Variants in SPINT2 observed in about 807,000 individuals in gnomAD.
The protein encoded by SPINT2 is serine peptidase inhibitor, Kunitz type 2, also known as kunitz-type protease inhibitor 2.
Under a neutral mutation model 30.1 loss-of-function variants are expected in SPINT2, and 18 were observed. The ratio of observed to expected loss-of-function variants is 0.60; its 90% CI spans 0.41 to 0.89. The LOEUF (loss-of-function observed/expected upper bound fraction) is 0.89. SPINT2 is among the 40% of genes least tolerant of loss of function. SPINT2 has a pLI of 0.00. For synonymous variants in SPINT2, 139 were observed against 137.9 expected, an observed-to-expected ratio of 1.01 and a Z score of -0.05; for missense variants, 276 against 334.3, an observed-to-expected ratio of 0.83 and a Z score of 1.36.
intron 1 of SPINT2, among the ~76,000 whole-genome samples, chr19:38,271,260 G>A (rs1968451964): frequency 6.6e-6 from 1 of 152,042 alleles, no homozygotes; most frequent in South Asian, 2.1e-4. Context: ...GGGAGGCCGA[G>A]GCAGGCGGGT....
At chr19:38,283,565 T>C (rs1968604972) in intron 1 of SPINT2, 62 bp from the exon 2 acceptor site, 5 of 1,605,880 alleles carry the variant, frequency 3.1e-6, no homozygotes, top group South Asian at 1.1e-5. Flanking sequence ...TACAGGTCTG[T>C]GCGTGTCCTT....
At chr19:38,281,679 A>G (rs1314135042) in intron 1 of SPINT2, among the ~76,000 whole-genome samples, 1 of 152,108 alleles carries the variant, frequency 6.6e-6, no homozygotes, top group African/African-American at 2.4e-5. Context: ...TCTGCACTCC[A>G]GCCTGGGCAA....
intron 1 of SPINT2, among the ~76,000 whole-genome samples, chr19:38,277,141 C>T (rs1968529835): frequency 6.6e-6 from 1 of 152,190 alleles, no homozygotes; most frequent in Non-Finnish European, 1.5e-5. Flanking sequence ...TTTCTGTACT[C>T]ATCAGCATAT....
intron 1 of SPINT2, among the ~76,000 whole-genome samples, chr19:38,270,803 A>G (rs1266314590): frequency 1.3e-5 from 2 of 152,176 alleles, no homozygotes; most frequent in East Asian, 3.9e-4. Context: ...TCTGTTTGCC[A>G]TGTCTGGAGG....
chr19:38,290,843 G>A lies in SPINT2; in HGVS notation c.592+268G>A. 1 of 569,544 alleles carries A rather than the reference G, an allele frequency of 1.8e-6. No homozygotes were observed. The highest frequency in any genetic ancestry group is 3.2e-6 in the Non-Finnish European group (1 of 313,338). The allele number at this position is 569,544 out of a possible 1,614,324, so 35.3% of individuals were successfully genotyped here. ...TGAGGTCTTCCTGTTGAGCATTTGA[G>A]GACTGCTGCACACGGGCCTGAGGCT... On this transcript the variant is annotated intron_variant, in intron 6 of 6. Transcript: ENST00000301244. The surrounding 1 kb of genome is among the most constrained non-coding windows in gnomAD (Gnocchi z 4.3).
At chr19:38,274,881 A>G (rs754527006) in intron 1 of SPINT2, among the ~76,000 whole-genome samples, 2 of 151,522 alleles carry the variant, frequency 1.3e-5, no homozygotes, top group Non-Finnish European at 2.9e-5. Flanking sequence ...TCCCTCTGCC[A>G]CTGGAGAGAC....
In SPINT2 at chr19:38,292,008, C is replaced by T. The variant is rs1968727714; in HGVS notation, c.*2C>T. ...GTGAAGAACACATATGTCCTGTGAC[C>T]GCCCTGTCGCCAAGAGGACTGGGGA... On this transcript the variant is annotated 3_prime_UTR_variant, in exon 7 of 7. Transcript: ENST00000301244. 6.8e-6 allele frequency: 11 copies of T among 1,613,762 alleles called. No individual in the cohort carries two copies. Among genetic ancestry groups the T allele is most frequent in the Admixed American group, 1.7e-5 (1 of 59,972 alleles).
At chr19:38,273,230 G>C (rs1482207016) in intron 1 of SPINT2, among the ~76,000 whole-genome samples, 1 of 151,994 alleles carries the variant, frequency 6.6e-6, no homozygotes, top group Non-Finnish European at 1.5e-5. Flanking sequence ...AGAGGAGATG[G>C]GTAGTTGGTA....
intron 1 of SPINT2, among the ~76,000 whole-genome samples, chr19:38,270,359 T>A (rs1007636204): frequency 1.3e-5 from 2 of 152,228 alleles, no homozygotes; most frequent in African/African-American, 4.8e-5. Context: ...CGAAATCTTA[T>A]TCACTGATAT....
chr19:38,275,677 C>T (rs1464872077), intron 1 of SPINT2, among the ~76,000 whole-genome samples: 3 of 151,950 alleles, frequency 2.0e-5, no homozygotes, highest in African/African-American at 7.3e-5. Flanking sequence ...CCTGCCTCGG[C>T]CTCCCAAAGT....
At chr19:38,289,484 CAAAAAAAAAAA>C (rs58140440) in intron 4 of SPINT2, 26 of 36,076 alleles carry the variant, frequency 7.2e-4, no homozygotes, top group South Asian at 1.6e-3. Context: ...GACTCTGTCT[CAAAAAAAAAAA>C]AAAAAAAAAA....
intron 1 of SPINT2, among the ~76,000 whole-genome samples, chr19:38,280,232 T>C (rs536530319): frequency 1.3e-5 from 2 of 152,202 alleles, no homozygotes; most frequent in East Asian, 3.9e-4. Context: ...CAGGGACAGA[T>C]CGTGACCGTG....
intron 1 of SPINT2, among the ~76,000 whole-genome samples, chr19:38,282,035 A>G (rs1968586706): frequency 1.3e-5 from 2 of 152,176 alleles, no homozygotes; most frequent in South Asian, 4.1e-4. Context: ...GCTTCAGAAG[A>G]TGCTTTTTCT....
chr19:38,284,940 T>G (rs531760596), intron 2 of SPINT2, among the ~76,000 whole-genome samples: 1 of 152,236 alleles, frequency 6.6e-6, no homozygotes, highest in East Asian at 1.9e-4. Context: ...GGTCTTGAAC[T>G]TCTGGCCTCA....
chr19:38,283,423 T>G (rs1968603334), intron 1 of SPINT2, among the ~76,000 whole-genome samples: 1 of 152,056 alleles, frequency 6.6e-6, no homozygotes, highest in African/African-American at 2.4e-5. Context: ...TGGGTTGCTG[T>G]CTTTATTGTT....
At chr19:38,265,754 A>G (rs1002801581) in intron 1 of SPINT2, 1 of 152,440 alleles carries the variant, frequency 6.6e-6, no homozygotes, top group Non-Finnish European at 1.5e-5. Flanking sequence ...TGTTTTGAAA[A>G]GAGCTCTCTT....
At chr19:38,269,038 G>A (rs980673979) in intron 1 of SPINT2, among the ~76,000 whole-genome samples, 3 of 152,130 alleles carry the variant, frequency 2.0e-5, no homozygotes, top group Non-Finnish European at 2.9e-5. Flanking sequence ...CTGGGCATCA[G>A]AACTTGTGTT....
Position 38,290,663 on chromosome 19 carries a change from T to A in SPINT2, c.592+88T>A. 1 of 1,482,664 alleles carries A rather than the reference T, an allele frequency of 6.7e-7. No individual in the cohort carries two copies. Among genetic ancestry groups the A allele is most frequent in the Non-Finnish European group, 9.2e-7 (1 of 1,082,674 alleles). The allele number at this position is 1,482,664 out of a possible 1,614,324, so 91.8% of individuals were successfully genotyped here. ...AGCCCTGCCCAGCTGTGGTTTACAT[T>A]ATCCTTCACTGTGAACATCATCTTG... On this transcript the variant is annotated intron_variant, in intron 6 of 6. Coordinates refer to ENST00000301244, the MANE Select transcript of SPINT2 (RefSeq NM_021102.4). The surrounding 1 kb of genome is among the most constrained non-coding windows in gnomAD (Gnocchi z 4.3).
In SPINT2 at chr19:38,264,683, GGCATC is replaced by G. The variant is rs1968354580; in HGVS notation, c.-207_-203del. On this transcript the variant is annotated 5_prime_UTR_variant, in exon 1 of 7. Coordinates refer to ENST00000301244, the MANE Select transcript of SPINT2 (RefSeq NM_021102.4). Reference sequence around the variant, plus strand: ...AGGGCGCGAGTGAGGAGCAGACCCAGGCATCGCGCGCCGAGAAGGCCGGGCGTCCC... The same window carrying G: ...AGGGCGCGAGTGAGGAGCAGACCCAGGCGCGCCGAGAAGGCCGGGCGTCCC... 1.7e-6 allele frequency: 1 copy of G among 579,328 alleles called. No homozygotes were observed. 35.9% of individuals were successfully genotyped at this position (579,328 alleles called of 1,614,324 possible). A position where few individuals can be genotyped will look rare whatever the true frequency, so the allele number is the denominator to read the frequency against.
Sources: allele counts gnomAD v4.1 joint callset (sites outside exome capture counted in the v4.1 genomes callset), GRCh38; gene constraint gnomAD v4.1.1; non-coding constraint Gnocchi (gnomAD v3.1); transcripts MANE v1.5; gene names NCBI Gene and HGNC (gene_info 2026-07-23, HGNC 2026-07-21).